Variants in FSTL5 observed in about 807,000 individuals in gnomAD.
FSTL5 encodes follistatin like 5, also known as follistatin-related protein 5.
In FSTL5, 62 loss-of-function variants were observed where a neutral mutation model predicts 89.1. That is an observed-to-expected ratio of 0.70 (90% CI 0.57 to 0.86). FSTL5 has a LOEUF of 0.86. FSTL5 is among the 40% of genes least tolerant of loss of function. FSTL5 has a pLI of 0.00. For synonymous variants in FSTL5, 383 were observed against 346.2 expected, an observed-to-expected ratio of 1.11 and a Z score of -1.18; for missense variants, 1,057 against 1,001.6, an observed-to-expected ratio of 1.06 and a Z score of -0.75.
intron 3 of FSTL5, among the ~76,000 whole-genome samples, chr4:161,967,061 T>C: frequency 6.6e-6 from 1 of 150,696 alleles, no homozygotes; most frequent in Admixed American, 6.6e-5. Flanking sequence ...AATTAAATGA[T>C]ATGGGATTTC....
At chr4:161,408,069 G>A (rs185506019) in intron 15 of FSTL5, among the ~76,000 whole-genome samples, 1 of 152,116 alleles carries the variant, frequency 6.6e-6, no homozygotes, top group Non-Finnish European at 1.5e-5. Context: ...TTGTGGGCTG[G>A]TGTGGGACCT....
chr4:161,516,839 A>G (rs1730860366), intron 10 of FSTL5, among the ~76,000 whole-genome samples: 1 of 151,298 alleles, frequency 6.6e-6, no homozygotes. Flanking sequence ...CTCACATTCC[A>G]AACATCAAGA....
chr4:161,402,018 C>T (rs1424908238), intron 15 of FSTL5, among the ~76,000 whole-genome samples: 1 of 151,674 alleles, frequency 6.6e-6, no homozygotes, highest in East Asian at 1.9e-4. Flanking sequence ...TTTCATTTAG[C>T]CAAAGGATTT....
At chr4:161,663,521 G>T (rs1384366602) in intron 6 of FSTL5, among the ~76,000 whole-genome samples, 1 of 152,094 alleles carries the variant, frequency 6.6e-6, no homozygotes, top group Non-Finnish European at 1.5e-5. Context: ...TCACTTCCAG[G>T]TTATCTGATG....
chr4:161,446,095 A>G (rs1267836063), intron 15 of FSTL5, among the ~76,000 whole-genome samples: 1 of 151,972 alleles, frequency 6.6e-6, no homozygotes, highest in African/African-American at 2.4e-5. Context: ...AAGATACAAA[A>G]TATTAACTCG....
intron 4 of FSTL5, among the ~76,000 whole-genome samples, chr4:161,851,854 T>TA (rs953843045): frequency 2.0e-5 from 3 of 150,270 alleles, no homozygotes; most frequent in Non-Finnish European, 4.4e-5. Context: ...AATGTTAAAG[T>TA]AAAATAGAAT....
intron 1 of FSTL5, among the ~76,000 whole-genome samples, chr4:162,132,602 T>A (rs186066497): frequency 1.3e-5 from 2 of 152,262 alleles, no homozygotes; most frequent in Non-Finnish European, 2.9e-5. Context: ...ATACCTACAT[T>A]TCACATTGTT....
At chr4:161,639,460 C>A (rs563469420) in intron 7 of FSTL5, among the ~76,000 whole-genome samples, 1 of 152,130 alleles carries the variant, frequency 6.6e-6, no homozygotes, top group Non-Finnish European at 1.5e-5. Flanking sequence ...ACCCAAGTGT[C>A]TAAAGGAAGA....
intron 4 of FSTL5, among the ~76,000 whole-genome samples, chr4:161,793,515 T>C (rs1237563320): frequency 6.6e-6 from 1 of 152,206 alleles, no homozygotes; most frequent in African/African-American, 2.4e-5. Context: ...AAGTCACTGA[T>C]TTAACTCTAA....
chr4:161,836,172 G>A (rs1021874508), intron 4 of FSTL5, among the ~76,000 whole-genome samples: 16 of 151,670 alleles, frequency 1.1e-4, no homozygotes, highest in African/African-American at 2.9e-4. Context: ...GATGAAATTG[G>A]AAATCATCAT....
In FSTL5 at chr4:161,871,598, T is replaced by C. The variant is rs141021435; in HGVS notation, c.409+48806A>G. 1.7e-4 allele frequency among the ~76,000 whole-genome samples: 26 copies of C among 152,292 alleles called. No homozygotes were observed. The East Asian group carries it at 3.7e-3, about 21-fold the overall frequency. ...ATTTCACAATATATTATGAGGTACA[T>C]AGGAATTAATGTTCTTCATTTTCAA... On this transcript the variant is annotated intron_variant, in intron 4 of 15. Coordinates refer to ENST00000306100, the MANE Select transcript of FSTL5 (RefSeq NM_020116.5).
chr4:161,749,044 A>T (rs971498397), intron 6 of FSTL5, among the ~76,000 whole-genome samples: 2 of 152,162 alleles, frequency 1.3e-5, no homozygotes, highest in Admixed American at 1.3e-4. Flanking sequence ...GCATGGATGC[A>T]GAGGAAAGGG....
Position 161,436,278 on chromosome 4 carries a change from G to T in FSTL5, c.1841+18726C>A, listed in dbSNP as rs111263175. ...TTAAATAGGATAAAAATCTAAACACGTTTTTCTTCCTCCCTTTCTCAGGAG... is the reference window on the plus strand; with the variant it reads ...TTAAATAGGATAAAAATCTAAACACTTTTTTCTTCCTCCCTTTCTCAGGAG... On this transcript the variant is annotated intron_variant, in intron 15 of 15. Coordinates refer to ENST00000306100, the MANE Select transcript of FSTL5 (RefSeq NM_020116.5). Among the ~76,000 whole-genome samples the T allele has an allele frequency of 6.5e-3, 995 of 152,170 alleles. 10 individuals are homozygous for T. Among genetic ancestry groups the T allele is most frequent in the African/African-American group, 0.022 (917 of 41,508 alleles).
chr4:162,077,927 T>A (rs564679149), intron 2 of FSTL5, among the ~76,000 whole-genome samples: 1 of 151,858 alleles, frequency 6.6e-6, no homozygotes, highest in Non-Finnish European at 1.5e-5. Flanking sequence ...AGCTACATAC[T>A]CAAATTCTTT....
chr4:161,730,631 A>T (rs1739576283), intron 6 of FSTL5, among the ~76,000 whole-genome samples: 1 of 152,116 alleles, frequency 6.6e-6, no homozygotes, highest in South Asian at 2.1e-4. Flanking sequence ...TCAACTGTTG[A>T]CTTTTCACTT....
chr4:161,973,431 G>A (rs556158342), intron 3 of FSTL5, among the ~76,000 whole-genome samples: 1 of 152,228 alleles, frequency 6.6e-6, no homozygotes, highest in East Asian at 1.9e-4. Context: ...GAATACTTAA[G>A]TATTTCAAAT....
In FSTL5 at chr4:161,712,863, G is replaced by A. The variant is rs142708761; in HGVS notation, c.727+46548C>T. On this transcript the variant is annotated intron_variant, in intron 6 of 15. Coordinates refer to ENST00000306100, the MANE Select transcript of FSTL5 (RefSeq NM_020116.5). ...CCCCCTCTCTCTCGTTCCCTTTCTC[G>A]CATGTGATGCACTGTTTCCTCCTTT... is the stretch of plus-strand genomic sequence containing the variant. 4.2e-3 allele frequency among the ~76,000 whole-genome samples: 632 copies of A among 152,012 alleles called. 5 individuals are homozygous for A. The highest frequency in any genetic ancestry group is 0.014 in the African/African-American group (571 of 41,448).
intron 1 of FSTL5, among the ~76,000 whole-genome samples, chr4:162,140,597 A>C (rs1167031415): frequency 2.6e-5 from 4 of 152,204 alleles, no homozygotes; most frequent in Admixed American, 2.6e-4. Flanking sequence ...GGAGGATCTG[A>C]CAGATGAGTG....
chr4:161,712,348 T>C (rs574631024), intron 6 of FSTL5, among the ~76,000 whole-genome samples: 1 of 152,244 alleles, frequency 6.6e-6, no homozygotes, highest in African/African-American at 2.4e-5. Context: ...CCTGCTACTA[T>C]GTAGAAAAAA....
Sources: allele counts gnomAD v4.1 joint callset (sites outside exome capture counted in the v4.1 genomes callset), GRCh38; gene constraint gnomAD v4.1.1; transcripts MANE v1.5; gene names NCBI Gene and HGNC (gene_info 2026-07-23, HGNC 2026-07-21).